The following SARS1 variants were observed in gnomAD, a reference collection of about 807,000 sequenced individuals.
The protein encoded by SARS1 is seryl-tRNA synthetase 1.
In SARS1, 25 loss-of-function variants were observed where a neutral mutation model predicts 63.7. The observed-to-expected ratio is 0.39, with a 90% CI of 0.29 to 0.55. The LOEUF (loss-of-function observed/expected upper bound fraction) is 0.55. Ranked by LOEUF, SARS1 falls within the 20% of genes least tolerant of loss-of-function variation. SARS1 has a pLI of 0.62. For missense variants in SARS1, 417 were observed against 649.7 expected (o/e 0.64, Z 3.89); for synonymous variants, 231 against 243.5 (o/e 0.95, Z 0.48).
chr1:109,226,294 G>A (rs928138672), intron 2 of SARS1, among the ~76,000 whole-genome samples: 11 of 151,544 alleles, frequency 7.3e-5, no homozygotes, highest in Admixed American at 4.6e-4. Context: ...GTATGAGAAT[G>A]TGTAATGAAC....
chr1:109,230,805 C>CAAA, intron 4 of SARS1, 73 bp from the exon 5 acceptor site: 16 of 1,088,034 alleles, frequency 1.5e-5, no homozygotes, highest in Admixed American at 2.6e-5. Flanking sequence ...ACCCTGTCTC[C>CAAA]AAAAAAAAAA....
At chr1:109,219,923 A>G (rs909371725) in intron 1 of SARS1, among the ~76,000 whole-genome samples, 4 of 152,216 alleles carry the variant, frequency 2.6e-5, no homozygotes, top group South Asian at 2.1e-4. Context: ...AAATATGCCA[A>G]TCAATTCTAC....
Position 109,236,070 on chromosome 1 carries a change from C to G in SARS1, c.1063C>G (p.Leu355Val), listed in dbSNP as rs1290085095. 1.2e-6 allele frequency: 2 copies of G among 1,614,074 alleles called. No individual in the cohort carries two copies. The highest frequency in any genetic ancestry group is 2.2e-5 in the South Asian group (2 of 91,066). ...ITTAEEFYQS[L>V]GIPYHIVNIV... ...CACCGCAGAGGAGTTCTACCAGTCC[C>G]TGGGGATTCCTTACCACATTGTGAA... The change falls in exon 8 of 11, where the codon CTG (leucine) becomes GTG (valine). Residue 355 changes from leucine to valine, a missense_variant. By Grantham distance (32) the Leu-to-Val change is conservative. This residue lies in a region of SARS1 where 359 missense variants were observed against 529.6 expected (regional missense o/e 0.68). Transcript: ENST00000234677.
At chr1:109,219,968 G>A (rs1230076826) in intron 1 of SARS1, among the ~76,000 whole-genome samples, 3 of 152,062 alleles carry the variant, frequency 2.0e-5, no homozygotes, top group African/African-American at 7.2e-5. Context: ...GGATAAACTG[G>A]GTTGTTACCG....
Position 109,230,964 on chromosome 1 carries a change from T to C in SARS1, c.534T>C (p.Asp178=), listed in dbSNP as rs140305400. The change falls in exon 5 of 11, where the codon GAT becomes GAC. Residue 178 remains aspartate (D), a synonymous_variant. Transcript: ENST00000234677. ...YSHVDLVVMV[D]GFEGEKGAVV... is the part of the protein sequence containing the mutation. The stretch of plus-strand genomic sequence containing the variant: ...ATGTGGACCTGGTGGTGATGGTAGA[T>C]GGCTTTGAAGGCGAAAAGGGGGCCG... The C allele has an allele frequency of 6.3e-6, 10 of 1,574,926 alleles. No individual in the cohort carries two copies. Among genetic ancestry groups the C allele is most frequent in the Middle Eastern group, 1.7e-4 (1 of 5,938 alleles).
At chr1:109,221,670 A>T (rs529757339) in intron 1 of SARS1, among the ~76,000 whole-genome samples, 4 of 152,156 alleles carry the variant, frequency 2.6e-5, no homozygotes, top group Non-Finnish European at 5.9e-5. Context: ...ATAGAGATAT[A>T]CCTAATAAAT....
chr1:109,236,136 C>G (rs1655302577), intron 8 of SARS1, 30 bp downstream of exon 8: 1 of 1,599,516 alleles, frequency 6.3e-7, no homozygotes, highest in Non-Finnish European at 8.5e-7. Context: ...CTCAGCCTCC[C>G]TTTCCTGTAA....
At chr1:109,219,795 G>A (rs1271858365) in intron 1 of SARS1, among the ~76,000 whole-genome samples, 1 of 152,154 alleles carries the variant, frequency 6.6e-6, no homozygotes, top group Non-Finnish European at 1.5e-5. Context: ...TTACAGGCAT[G>A]AGCCACCGCG....
intron 1 of SARS1, among the ~76,000 whole-genome samples, chr1:109,221,910 C>T (rs1311125263): frequency 7.0e-6 from 1 of 143,382 alleles, no homozygotes; most frequent in Non-Finnish European, 1.5e-5. Flanking sequence ...GTCTCTGCCT[C>T]CCAAGTAGCT....
chr1:109,218,239 C>T (rs1189313734), intron 1 of SARS1, among the ~76,000 whole-genome samples: 4 of 146,212 alleles, frequency 2.7e-5, no homozygotes, highest in African/African-American at 5.1e-5. Context: ...TGGTGGCGGG[C>T]GCCTGTAATC....
In SARS1 at chr1:109,227,917, C is replaced by CAA. The variant is rs5776968; in HGVS notation, c.208-418_208-417dup. On this transcript the variant is annotated intron_variant, in intron 2 of 10. Coordinates refer to ENST00000234677, the MANE Select transcript of SARS1 (RefSeq NM_006513.4). ...CCTGGGCGACAGAGTGAGACTCCGT[C>CAA]AAAAAAAAAAAAAAAAAAGAATCCA... Among the ~76,000 whole-genome samples, 1,059 of 121,754 alleles carry CAA rather than the reference C, an allele frequency of 8.7e-3. 17 individuals carry two copies. The highest frequency in any genetic ancestry group is 0.068 in the East Asian group (296 of 4,360). The allele number at this position is 121,754 out of a possible 152,430, so 79.9% of individuals were successfully genotyped here.
chr1:109,217,932 CT>C (rs1432362175), intron 1 of SARS1, among the ~76,000 whole-genome samples: 2 of 152,080 alleles, frequency 1.3e-5, no homozygotes, highest in Non-Finnish European at 2.9e-5. Flanking sequence ...TGACTCACTC[CT>C]GTAATCCCAG....
chr1:109,222,562 T>C (rs1404864282), intron 1 of SARS1, among the ~76,000 whole-genome samples: 2 of 152,226 alleles, frequency 1.3e-5, no homozygotes, highest in East Asian at 3.8e-4. Context: ...CTCTATAGTT[T>C]TATCAATGTG....
rs1240616655 is a variant in SARS1 at position 109,236,666 on chromosome 1, A to G, written c.1257+118A>G. ...ATCATGGGAAAATCTGAGCTTCTCA[A>G]TCTAGACCAAAAAGGGAATCTGAAA... On this transcript the variant is annotated intron_variant, in intron 9 of 10. Transcript: ENST00000234677. 6 of 1,496,126 alleles carry G rather than the reference A, an allele frequency of 4.0e-6. No individual in the cohort carries two copies. In the Admixed American group the frequency reaches 7.1e-5, roughly 18 times the overall value. The allele number at this position is 1,496,126 out of a possible 1,614,324, so 92.7% of individuals were successfully genotyped here.
Position 109,237,079 on chromosome 1 carries a change from A to G in SARS1, c.1258-165A>G. The G allele has an allele frequency of 8.1e-7, 1 of 1,238,398 alleles. No homozygotes were observed. The highest frequency in any genetic ancestry group is 1.1e-6 in the Non-Finnish European group (1 of 909,088). 76.7% of individuals were successfully genotyped at this position (1,238,398 alleles called of 1,614,324 possible). A position where few individuals can be genotyped will look rare whatever the true frequency, so the allele number is the denominator to read the frequency against. ...TGCAGTTATCTAATAGGCAATAAATACCAAATAATTCAAATTTAGAAAAAA... is the reference window on the plus strand; with the variant it reads ...TGCAGTTATCTAATAGGCAATAAATGCCAAATAATTCAAATTTAGAAAAAA... On this transcript the variant is annotated intron_variant, in intron 9 of 10. Coordinates refer to ENST00000234677, the MANE Select transcript of SARS1 (RefSeq NM_006513.4). The surrounding 1 kb of genome is among the most constrained non-coding windows in gnomAD (Gnocchi z 4.1).
At chr1:109,218,406 C>CTTTT (rs34756917) in intron 1 of SARS1, among the ~76,000 whole-genome samples, 1 of 118,678 alleles carries the variant, frequency 8.4e-6, no homozygotes, top group Admixed American at 9.7e-5. Flanking sequence ...AGATATTTTA[C>CTTTT]TTTTTTTTTT....
intron 6 of SARS1, among the ~76,000 whole-genome samples, chr1:109,234,158 C>T (rs1015715898): frequency 6.6e-6 from 1 of 151,634 alleles, no homozygotes; most frequent in African/African-American, 2.4e-5. Context: ...GGATTACAGG[C>T]ATGAGCCATT....
At chr1:109,216,819 C>T (rs1279824329) in intron 1 of SARS1, 4 of 596,488 alleles carry the variant, frequency 6.7e-6, no homozygotes, top group African/African-American at 2.0e-5. Context: ...GATGGAGTTT[C>T]GTCATGTTGC....
chr1:109,236,116 C>A lies in SARS1; in HGVS notation c.1099+10C>A. The A allele has an allele frequency of 6.2e-7, 1 of 1,607,556 alleles. No individual in the cohort carries two copies. The highest frequency in any genetic ancestry group is 1.7e-4 in the Middle Eastern group (1 of 6,032). ...GTGAATATTGTCTCAGGTATGGGACCCAGCCTCTTCTCAGCCTCCCTTTCC... is the reference window on the plus strand; with the variant it reads ...GTGAATATTGTCTCAGGTATGGGACACAGCCTCTTCTCAGCCTCCCTTTCC... On this transcript the variant is annotated intron_variant, in intron 8 of 10. Coordinates refer to ENST00000234677, the MANE Select transcript of SARS1 (RefSeq NM_006513.4).
Sources: allele counts gnomAD v4.1 joint callset (sites outside exome capture counted in the v4.1 genomes callset), GRCh38; gene constraint gnomAD v4.1.1; regional missense constraint gnomAD v4.1.1; non-coding constraint Gnocchi (gnomAD v3.1); transcripts MANE v1.5; gene names NCBI Gene and HGNC (gene_info 2026-07-23, HGNC 2026-07-21).